The following COPB1 variants were observed in gnomAD, a reference collection of about 807,000 sequenced individuals.
The protein encoded by COPB1 is coatomer subunit beta.
COPB1 carries 21 observed loss-of-function variants against 108.7 expected under a neutral mutation model. That is an observed-to-expected ratio of 0.19 (90% CI 0.14 to 0.28). The LOEUF (loss-of-function observed/expected upper bound fraction) is 0.28. COPB1 is among the 10% of genes least tolerant of loss of function. The pLI is 1.00. For missense variants in COPB1, 919 were observed against 1,141.3 expected, an observed-to-expected ratio of 0.81 and a Z score of 2.81; for synonymous variants, 378 against 386.8, an observed-to-expected ratio of 0.98 and a Z score of 0.27.
chr11:14,498,716 G>A (rs1851081864), intron 2 of COPB1, 122 bp downstream of exon 2: 3 of 713,272 alleles, frequency 4.2e-6, no homozygotes, highest in Non-Finnish European at 6.6e-6. Flanking sequence ...CTATCGAAGA[G>A]ATCCTAGAAA....
At position 14,457,650 on chromosome 11, in the gene COPB1, A is replaced by C. The variant is rs1199463507; in HGVS notation, c.*174T>G. On this transcript the variant is annotated 3_prime_UTR_variant, in exon 22 of 22. Coordinates refer to ENST00000439561, the MANE Select transcript of COPB1 (RefSeq NM_001144061.2). The stretch of plus-strand genomic sequence containing the variant: ...TTCAGAACTGTTAAGACAAAAGACA[A>C]ACTATAATTTTAAACTCAATCTTGA... 1.7e-6 allele frequency: 1 copy of C among 577,716 alleles called. No individual in the cohort carries two copies. The highest frequency in any genetic ancestry group is 3.1e-6 in the Non-Finnish European group (1 of 318,348). 35.8% of individuals were successfully genotyped at this position (577,716 alleles called of 1,614,324 possible). A position where few individuals can be genotyped will look rare whatever the true frequency, so the allele number is the denominator to read the frequency against.
chr11:14,491,221 T>C (rs1589968040), intron 4 of COPB1, among the ~76,000 whole-genome samples: 1 of 152,080 alleles, frequency 6.6e-6, no homozygotes, highest in East Asian at 1.9e-4. Context: ...ATTTTTGTTA[T>C]TTTTTTAGTA....
At chr11:14,499,594 C>T (rs1285464823) in intron 1 of COPB1, 113 bp downstream of exon 1, 2 of 150,792 alleles carry the variant, frequency 1.3e-5, no homozygotes, top group South Asian at 2.1e-4. Flanking sequence ...CCCGCACCCC[C>T]ACCCGTACCC....
At chr11:14,476,762 CTTTTTT>C (rs10612229) in intron 12 of COPB1, among the ~76,000 whole-genome samples, 151 bp downstream of exon 12, 4 of 131,022 alleles carry the variant, frequency 3.1e-5, no homozygotes, top group African/African-American at 8.4e-5. Flanking sequence ...GCTACTGCTT[CTTTTTT>C]TTTTTTTTTT....
chr11:14,468,294 A>C (rs1850327047), intron 16 of COPB1, among the ~76,000 whole-genome samples: 1 of 152,184 alleles, frequency 6.6e-6, no homozygotes, highest in South Asian at 2.1e-4. Flanking sequence ...TCGATATATT[A>C]AGAATATAAA....
At chr11:14,477,598 A>G (rs1850556361) in intron 11 of COPB1, among the ~76,000 whole-genome samples, 1 of 150,946 alleles carries the variant, frequency 6.6e-6, no homozygotes, top group South Asian at 2.1e-4. Flanking sequence ...AAACTGAGGC[A>G]TAAGAGCTCC....
Position 14,494,292 on chromosome 11 carries a change from A to T in COPB1, c.239T>A (p.Val80Glu). The T allele has an allele frequency of 6.2e-7, 1 of 1,613,904 alleles. No homozygotes were observed. Among genetic ancestry groups the T allele is most frequent in the Non-Finnish European group, 8.5e-7 (1 of 1,179,876 alleles). ...QDHTIKKLLL[V>E]FWEIVPKTTP... ...TGTTTTAGGAACAATTTCCCAAAAT[A>T]CCAGAAGTAATTTCTTGATAGTGTG... The change falls in exon 3 of 22, where the codon GTA (valine) becomes GAA (glutamate). Residue 80 changes from valine to glutamate, a missense_variant. Physicochemically the swap from Val to Glu is moderately radical, Grantham distance 121 (BLOSUM62 -2). Transcript: ENST00000439561.
chr11:14,490,792 C>CTT (rs375723824), intron 4 of COPB1, 113 bp from the exon 5 acceptor site: 867 of 489,758 alleles, frequency 1.8e-3, no homozygotes, highest in Middle Eastern at 3.6e-3. Context: ...CATACTTTTG[C>CTT]TTTTTTTTTT....
At position 14,483,023 on chromosome 11, in the gene COPB1, AAC is replaced by A. The variant is rs759878914; in HGVS notation, c.957+7_957+8del. ...TATTTAGGATCTCTCTTTTTCAGAT[AAC>A]ACTTACCTGTAGTACTCGTTCATGA... On this transcript the variant is annotated splice_region_variant and intron_variant, in intron 8 of 21. Transcript: ENST00000439561. 3.1e-5 allele frequency: 47 copies of A among 1,525,042 alleles called. No homozygotes were observed. The highest frequency in any genetic ancestry group is 4.2e-5 in the Non-Finnish European group (47 of 1,125,566). 94.5% of individuals were successfully genotyped at this position (1,525,042 alleles called of 1,614,324 possible). A position where few individuals can be genotyped will look rare whatever the true frequency, so the allele number is the denominator to read the frequency against.
rs1397817114 is a variant in COPB1, at chr11:14,479,681, C to A, written c.1246G>T (p.Ala416Ser). The A allele has an allele frequency of 2.5e-6, 4 of 1,604,576 alleles. No individual in the cohort carries two copies. The highest frequency in any genetic ancestry group is 2.6e-6 in the Non-Finnish European group (3 of 1,176,332). ...ACAAACTCCAAGACATCAGCAGCTG[C>A]TGCTTCGTTGTTGTCACTGAGAAAT... Reference protein sequence around the residue: ...MEFLSDNNEAAAADVLEFVRE... With the variant: ...MEFLSDNNEASAADVLEFVRE... The change falls in exon 11 of 22, where the codon GCA becomes TCA. Residue 416 changes from alanine to serine, a missense_variant. Physicochemically the swap from Ala to Ser is moderately conservative, Grantham distance 99. Transcript: ENST00000439561.
rs1470152598 is a variant in COPB1, at chr11:14,480,298, A to C, written c.1212+461T>G. On this transcript the variant is annotated intron_variant, in intron 10 of 21. Coordinates refer to ENST00000439561, the MANE Select transcript of COPB1 (RefSeq NM_001144061.2). The stretch of plus-strand genomic sequence containing the variant: ...AATTCGATCCTCCTAAATTGTAACT[A>C]AAATCATTTTAGAGAGAACTCAAGA... Among the ~76,000 whole-genome samples, 3 of 152,228 alleles carry C rather than the reference A, an allele frequency of 2.0e-5. No homozygotes were observed. The East Asian group carries it at 5.8e-4, about 29-fold the overall frequency.
intron 7 of COPB1, among the ~76,000 whole-genome samples, chr11:14,485,365 C>T (rs1850747523): frequency 2.6e-5 from 4 of 152,148 alleles, no homozygotes; most frequent in African/African-American, 7.2e-5. Flanking sequence ...TAGAGTCTCT[C>T]TTTGTTGCCC....
rs368802220 is a variant in COPB1 at position 14,463,473 on chromosome 11, T to G, written c.2410+1438A>C. 6.6e-5 allele frequency among the ~76,000 whole-genome samples: 10 copies of G among 152,214 alleles called. No homozygotes were observed. The East Asian group carries it at 1.4e-3, about 21-fold the overall frequency. ...AGCTGGGACTACAGGCGTGCGCCATTACGCCCAATTAATTTTGTATTTTTA... is the reference window on the plus strand; with the variant it reads ...AGCTGGGACTACAGGCGTGCGCCATGACGCCCAATTAATTTTGTATTTTTA... On this transcript the variant is annotated intron_variant, in intron 18 of 21. Coordinates refer to ENST00000439561, the MANE Select transcript of COPB1 (RefSeq NM_001144061.2).
rs751233037 is a variant in COPB1 at position 14,460,241 on chromosome 11, C to T, written c.2613G>A (p.Lys871=). ...DLNDYLQHIL[K]STNMKCLTPE... is the part of the protein sequence containing the mutation. ...GAGTCAGGCATTTCATATTGGTTGACTTTAATATGTGCTGTAAGTAGTCAT... is the reference window on the plus strand; with the variant it reads ...GAGTCAGGCATTTCATATTGGTTGATTTTAATATGTGCTGTAAGTAGTCAT... Residue 871 remains lysine, a synonymous_variant, in exon 20 of 22, where the codon AAG becomes AAA. Coordinates refer to ENST00000439561, the MANE Select transcript of COPB1 (RefSeq NM_001144061.2). 6.8e-6 allele frequency: 11 copies of T among 1,612,114 alleles called. No homozygotes were observed. The highest frequency in any genetic ancestry group is 9.3e-6 in the Non-Finnish European group (11 of 1,178,684).
At chr11:14,494,470 C>A (rs1266769554) in intron 2 of COPB1, 31 bp from the exon 3 acceptor site, 3 of 1,249,164 alleles carry the variant, frequency 2.4e-6, no homozygotes, top group South Asian at 1.3e-5. Context: ...AAAAAAAGCA[C>A]AATTATTTCA....
chr11:14,479,122 T>TA (rs1470110756), intron 11 of COPB1, among the ~76,000 whole-genome samples: 1 of 152,162 alleles, frequency 6.6e-6, no homozygotes, highest in Admixed American at 6.6e-5. Context: ...TCAAGTCTGT[T>TA]AGAGACTATC....
rs1398851035 is a variant in COPB1, at chr11:14,483,092, G to C, written c.897C>G (p.Leu299=). The C allele has an allele frequency of 2.5e-6, 4 of 1,590,576 alleles. No homozygotes were observed. Among genetic ancestry groups the C allele is most frequent in the Non-Finnish European group, 3.4e-6 (4 of 1,161,746 alleles). Residue 299 remains leucine (L), a synonymous_variant, in exon 8 of 22, where the codon CTC becomes CTG. Transcript: ENST00000439561. ...IIKESDNNVK[L]IVLDRLIELK... Reference sequence around the variant, plus strand: ...ATTCTATCAAGCGATCCAAAACTATGAGTTTTACATTGTTGTCGCTCTCCT... The same window carrying C: ...ATTCTATCAAGCGATCCAAAACTATCAGTTTTACATTGTTGTCGCTCTCCT...
chr11:14,467,877 G>T (rs148859218), intron 16 of COPB1, among the ~76,000 whole-genome samples: 3,843 of 152,228 alleles, frequency 0.025, 189 homozygotes, highest in Admixed American at 0.13. Flanking sequence ...GTGGCTAGGG[G>T]TAAGTAGAGG....
intron 15 of COPB1, 31 bp from the exon 16 acceptor site, chr11:14,468,891 T>C: frequency 6.3e-7 from 1 of 1,578,734 alleles, no homozygotes; most frequent in Non-Finnish European, 8.6e-7. Context: ...AGTCTCTCTT[T>C]AATATGAAAA....
Sources: gnomAD v4.1 joint callset for allele counts (sites outside exome capture counted in the v4.1 genomes callset) on GRCh38, gnomAD v4.1.1 for gene constraint, MANE v1.5 for transcripts, NCBI Gene and HGNC (gene_info 2026-07-23, HGNC 2026-07-21) for gene names.